Variants in ANOS1 observed in about 807,000 individuals in gnomAD.
The protein encoded by ANOS1 is anosmin 1.
A neutral mutation model predicts 59.0 loss-of-function variants in ANOS1; 6 were observed. That is an observed-to-expected ratio of 0.10 (90% CI 0.06 to 0.20). ANOS1 has a LOEUF of 0.20. ANOS1 is among the 10% of genes least tolerant of loss of function. The pLI, the probability that ANOS1 is intolerant of heterozygous loss-of-function variation, is 1.00. For synonymous variants in ANOS1, 217 were observed against 223.4 expected (o/e 0.97, Z 0.25); for missense variants, 433 against 542.3 (o/e 0.80, Z 2.00).
chrX:8,624,361 C>T lies in ANOS1; in HGVS notation c.256-691G>A, dbSNP rs926536127. Among the ~76,000 whole-genome samples, 8 of 111,620 alleles carry T rather than the reference C, an allele frequency of 7.2e-5. No homozygotes were observed. The East Asian group carries it at 8.4e-4, about 12-fold the overall frequency. On this transcript the variant is annotated intron_variant, in intron 2 of 13. Transcript: ENST00000262648. ...TGTTGTTTCATGGGATTTTTTTCCT[C>T]ATAAAAGTTAATATTACATTTCTTT...
At chrX:8,642,484 T>C (rs1931681610) in intron 2 of ANOS1, among the ~76,000 whole-genome samples, 1 of 110,534 alleles carries the variant, frequency 9.0e-6, no homozygotes. Flanking sequence ...ACCAATGAAC[T>C]ATTTAAACAA....
intron 8 of ANOS1, among the ~76,000 whole-genome samples, chrX:8,561,605 G>A (rs1930034301): frequency 1.9e-5 from 2 of 107,510 alleles, no homozygotes; most frequent in South Asian, 4.2e-4. Flanking sequence ...GTGAGCCACC[G>A]CGCCCAGCCG....
chrX:8,696,915 C>G (rs1932692405), intron 2 of ANOS1, among the ~76,000 whole-genome samples: 2 of 112,571 alleles, frequency 1.8e-5, no homozygotes. Context: ...CTTCTATATT[C>G]TCTAGGGTTG....
intron 2 of ANOS1, among the ~76,000 whole-genome samples, chrX:8,654,985 AG>A (rs1218459553): frequency 8.9e-6 from 1 of 111,962 alleles, no homozygotes; most frequent in Non-Finnish European, 1.9e-5. Flanking sequence ...ACGCTATGTC[AG>A]CTACATTAGC....
rs1273033295 is a variant in ANOS1, at chrX:8,532,941, G to C, written c.*54C>G. 2 of 785,967 alleles carry C rather than the reference G, an allele frequency of 2.5e-6. No individual in the cohort carries two copies. The highest frequency in any genetic ancestry group is 4.1e-5 in the African/African-American group (2 of 49,046). The allele number at this position is 785,967 out of a possible 1,213,427, so 64.8% of individuals were successfully genotyped here. A position where few individuals can be genotyped will look rare whatever the true frequency, so the allele number is the denominator to read the frequency against. On this transcript the variant is annotated 3_prime_UTR_variant, in exon 14 of 14. Coordinates refer to ENST00000262648, the MANE Select transcript of ANOS1 (RefSeq NM_000216.4). ...CTGGAAGTGTGCATGTCTCGTGGCC[G>C]AAGTTCAACAAGCTTACACATCTGT...
intron 2 of ANOS1, among the ~76,000 whole-genome samples, chrX:8,685,640 GAAAGAAAGAAAGAAAGAAAA>G (rs1932507391): frequency 1.0e-5 from 1 of 98,002 alleles, no homozygotes; most frequent in East Asian, 3.1e-4. Flanking sequence ...AAGAAAGAAA[GAAAGAAAGAAAGAAAGAAAA>G]AGAAAGGAAG....
chrX:8,567,950 A>G (rs1439026409), intron 8 of ANOS1, among the ~76,000 whole-genome samples: 1 of 112,634 alleles, frequency 8.9e-6, no homozygotes, highest in Non-Finnish European at 1.9e-5. Flanking sequence ...ATGTAAACAT[A>G]AAAACAGTCA....
intron 1 of ANOS1, among the ~76,000 whole-genome samples, chrX:8,701,502 A>C (rs1037131563): frequency 7.1e-5 from 8 of 112,206 alleles, no homozygotes; most frequent in Non-Finnish European, 1.1e-4. Flanking sequence ...CAGCCCAAAA[A>C]GAAACCTGTA....
In ANOS1 at chrX:8,600,466, A is replaced by C. The variant is rs747850109; in HGVS notation, c.319-3210T>G. ...GTTTGTTAGTAATTAATCATACATA[A>C]AACGTGAAAATAACATGAGTTGACT... On this transcript the variant is annotated intron_variant, in intron 3 of 13. Transcript: ENST00000262648. 4.4e-5 allele frequency among the ~76,000 whole-genome samples: 5 copies of C among 112,583 alleles called. No homozygotes were observed. The Admixed American group carries it at 4.7e-4, about 11-fold the overall frequency.
At chrX:8,558,227 G>A (rs1012314507) in intron 8 of ANOS1, among the ~76,000 whole-genome samples, 4 of 111,041 alleles carry the variant, frequency 3.6e-5, no homozygotes, top group Admixed American at 9.6e-5. Context: ...TGTAGATGAC[G>A]AGTTGATGGG....
In ANOS1 at chrX:8,587,923, C is replaced by T. The variant is rs1206789465; in HGVS notation, c.597G>A (p.Gln199=). The T allele has an allele frequency of 3.3e-6, 4 of 1,209,121 alleles. No homozygotes were observed. In the South Asian group the frequency reaches 7.1e-5, roughly 21 times the overall value. Residue 199 remains glutamine (Q), a synonymous_variant, in exon 5 of 14, where the codon CAG becomes CAA. Coordinates refer to ENST00000262648, the MANE Select transcript of ANOS1 (RefSeq NM_000216.4). ...ATTTCGAGGACCACTTAACCTCCAG[C>T]TGTCCAGACTGCAGTTCTGTAAATC... The part of the protein sequence containing the change: ...ELRFTELQSG[Q]LEVKWSSKFN...
At chrX:8,575,676 T>C (rs917263601) in intron 6 of ANOS1, among the ~76,000 whole-genome samples, 1 of 112,028 alleles carries the variant, frequency 8.9e-6, no homozygotes, top group African/African-American at 3.2e-5. Flanking sequence ...TTAAAAGATA[T>C]GAATTAATAA....
At chrX:8,594,658 G>GTATATATATATATATATATATATA (rs767812487) in intron 4 of ANOS1, among the ~76,000 whole-genome samples, 2 of 33,550 alleles carry the variant, frequency 6.0e-5, no homozygotes, top group Non-Finnish European at 9.7e-5. Context: ...ATATATATGT[G>GTATATATATATATATATATATATA]TATATATATA....
rs1177710785 is a variant in ANOS1 at position 8,530,682 on chromosome X, G to A, written c.*2313C>T. 1 of 109,356 alleles carries A rather than the reference G, an allele frequency of 9.1e-6. No homozygotes were observed. Among genetic ancestry groups the A allele is most frequent in the African/African-American group, 3.3e-5 (1 of 30,270 alleles). The allele number at this position is 109,356 out of a possible 1,213,427, so 9.0% of individuals were successfully genotyped here. A position where few individuals can be genotyped will look rare whatever the true frequency, so the allele number is the denominator to read the frequency against. The stretch of plus-strand genomic sequence containing the variant: ...ATATCTGTCCAATGTCTATTACCCA[G>A]ACAAAAGAAGCATGATTAAATTTTA... On this transcript the variant is annotated 3_prime_UTR_variant, in exon 14 of 14. Coordinates refer to ENST00000262648, the MANE Select transcript of ANOS1 (RefSeq NM_000216.4).
At chrX:8,715,444 C>CTTT (rs79202549) in intron 1 of ANOS1, among the ~76,000 whole-genome samples, 1 of 95,528 alleles carries the variant, frequency 1.0e-5, no homozygotes, top group Non-Finnish European at 2.1e-5. Context: ...TTTTCTTTTT[C>CTTT]TTTTTTTTTT....
chrX:8,682,551 T>G (rs1441875462), intron 2 of ANOS1, among the ~76,000 whole-genome samples: 1 of 111,482 alleles, frequency 9.0e-6, no homozygotes, highest in African/African-American at 3.3e-5. Flanking sequence ...TTTCTTCAGA[T>G]GACAAAATCG....
At chrX:8,594,697 T>TATATATAC (rs1247233512) in intron 4 of ANOS1, among the ~76,000 whole-genome samples, 14 of 18,541 alleles carry the variant, frequency 7.6e-4, no homozygotes, top group East Asian at 6.0e-3. Flanking sequence ...TATATATATA[T>TATATATAC]ACACATATAT....
intron 6 of ANOS1, among the ~76,000 whole-genome samples, chrX:8,573,723 C>T (rs1930272292): frequency 9.0e-6 from 1 of 111,050 alleles, no homozygotes. Context: ...CACAGCCCAC[C>T]ACCAACACAT....
chrX:8,707,772 C>G (rs747561343), intron 1 of ANOS1, among the ~76,000 whole-genome samples: 2 of 111,839 alleles, frequency 1.8e-5, no homozygotes, highest in African/African-American at 3.3e-5. Flanking sequence ...AGGTGTCTGC[C>G]GGGGTGGGGA....
Sources: gnomAD v4.1 joint callset for allele counts (sites outside exome capture counted in the v4.1 genomes callset) on GRCh38, gnomAD v4.1.1 for gene constraint, MANE v1.5 for transcripts, NCBI Gene and HGNC (gene_info 2026-07-23, HGNC 2026-07-21) for gene names.